Variants in TMEM132C observed in about 807,000 individuals in gnomAD.
TMEM132C encodes protein phosphatase 1, regulatory subunit 152.
Under a neutral mutation model 61.4 loss-of-function variants are expected in TMEM132C, and 29 were observed. The ratio of observed to expected loss-of-function variants is 0.47; its 90% CI spans 0.35 to 0.64. TMEM132C has a LOEUF of 0.64. Ranked by LOEUF, TMEM132C falls within the 30% of genes least tolerant of loss-of-function variation. The pLI is 0.00. For synonymous variants in TMEM132C, 656 were observed against 633.1 expected (o/e 1.04, Z -0.54); for missense variants, 1,408 against 1,476.9 (o/e 0.95, Z 0.76).
chr12:128,350,930 A>G (rs1405837105), intron 1 of TMEM132C, among the ~76,000 whole-genome samples: 1 of 152,168 alleles, frequency 6.6e-6, no homozygotes, highest in Non-Finnish European at 1.5e-5. Flanking sequence ...TAATGGCTGG[A>G]ATATGAATAT....
chr12:128,326,385 A>G lies in TMEM132C; in HGVS notation c.85+58898A>G, dbSNP rs2135940314. Among the ~76,000 whole-genome samples, 1 of 152,282 alleles carries G rather than the reference A, an allele frequency of 6.6e-6. No individual in the cohort carries two copies. The highest frequency in any genetic ancestry group is 3.4e-3 in the Middle Eastern group (1 of 292). Reference sequence around the variant, plus strand: ...TTTCGAGCTGCCAGATCTGCTGGAGAAAATTATAAAGATGAATACTTCTGA... The same window carrying G: ...TTTCGAGCTGCCAGATCTGCTGGAGGAAATTATAAAGATGAATACTTCTGA... On this transcript the variant is annotated intron_variant, in intron 1 of 8. Transcript: ENST00000435159. This position sits in a 1 kb window ranked among gnomAD's most constrained non-coding sequence, Gnocchi z 5.6.
At chr12:128,643,114 G>A (rs770155307) in intron 4 of TMEM132C, among the ~76,000 whole-genome samples, 5 of 152,086 alleles carry the variant, frequency 3.3e-5, no homozygotes, top group Non-Finnish European at 7.4e-5. Context: ...TCACTTCAAA[G>A]AAAGAGACAA....
intron 1 of TMEM132C, among the ~76,000 whole-genome samples, chr12:128,392,067 TCTCTCTCTC>T (rs1874784696): frequency 2.8e-5 from 1 of 35,348 alleles, no homozygotes; most frequent in African/African-American, 9.9e-5. Context: ...TCTCTCTTTC[TCTCTCTCTC>T]TCTCTCTCTC....
At chr12:128,695,066 G>C (rs1322095238) in intron 6 of TMEM132C, among the ~76,000 whole-genome samples, 2 of 152,224 alleles carry the variant, frequency 1.3e-5, no homozygotes, top group African/African-American at 4.8e-5. Context: ...CACATCTCAA[G>C]TGTGTAAGAC....
At chr12:128,291,297 C>A (rs1470867888) in intron 1 of TMEM132C, among the ~76,000 whole-genome samples, 2 of 152,148 alleles carry the variant, frequency 1.3e-5, no homozygotes, top group African/African-American at 2.4e-5. Flanking sequence ...GGTGTAGGTA[C>A]CGTTTTCACC....
At chr12:128,651,712 G>A (rs1417954270) in intron 4 of TMEM132C, among the ~76,000 whole-genome samples, 1 of 152,154 alleles carries the variant, frequency 6.6e-6, no homozygotes, top group African/African-American at 2.4e-5. Flanking sequence ...CAGGGAATGG[G>A]AATGGGGGGT....
At chr12:128,473,260 A>G (rs1871016605) in intron 2 of TMEM132C, among the ~76,000 whole-genome samples, 3 of 145,328 alleles carry the variant, frequency 2.1e-5, no homozygotes, top group South Asian at 2.2e-4. Context: ...CTTCATCCTC[A>G]CTCCAACCCC....
chr12:128,555,748 T>C (rs1273024200), intron 3 of TMEM132C, among the ~76,000 whole-genome samples: 1 of 151,876 alleles, frequency 6.6e-6, no homozygotes, highest in Non-Finnish European at 1.5e-5. Context: ...AAGATCTCAT[T>C]CTGTCACTTA....
intron 2 of TMEM132C, among the ~76,000 whole-genome samples, chr12:128,458,892 C>T (rs547851625): frequency 5.3e-5 from 8 of 152,338 alleles, no homozygotes; most frequent in East Asian, 3.9e-4. Context: ...GAATTAGACA[C>T]CTGTCTGCAA....
chr12:128,329,963 C>G (rs1225967446), intron 1 of TMEM132C, among the ~76,000 whole-genome samples: 2 of 151,930 alleles, frequency 1.3e-5, no homozygotes, highest in African/African-American at 4.9e-5. Context: ...TGCCTGTGTC[C>G]ATGTGTACAT....
chr12:128,652,335 G>T (rs1249818186), intron 4 of TMEM132C, among the ~76,000 whole-genome samples: 1 of 152,334 alleles, frequency 6.6e-6, no homozygotes, highest in African/African-American at 2.4e-5. Flanking sequence ...CCTCCGGGAT[G>T]GGAAGTGGGA....
chr12:128,271,303 AAT>A lies in TMEM132C; in HGVS notation c.85+3818_85+3819del, dbSNP rs1870513233. On this transcript the variant is annotated intron_variant, in intron 1 of 8. Coordinates refer to ENST00000435159, the MANE Select transcript of TMEM132C (RefSeq NM_001136103.3). ...TAATAATAATAATAATAATAATAAT[AAT>A]AAAATGAAATGAAGAGAAATGGGAT... 2.2e-5 allele frequency among the ~76,000 whole-genome samples: 3 copies of A among 133,866 alleles called. No individual in the cohort carries two copies. The South Asian group carries it at 7.1e-4, about 32-fold the overall frequency. 87.8% of individuals were successfully genotyped at this position (133,866 alleles called of 152,430 possible). A position where few individuals can be genotyped will look rare whatever the true frequency, so the allele number is the denominator to read the frequency against.
At chr12:128,546,496 G>A (rs1565969991) in intron 3 of TMEM132C, among the ~76,000 whole-genome samples, 2 of 152,034 alleles carry the variant, frequency 1.3e-5, no homozygotes, top group Admixed American at 6.5e-5. Context: ...GAGCTTCCAG[G>A]CACCCCACTT....
intron 4 of TMEM132C, among the ~76,000 whole-genome samples, chr12:128,656,943 C>A (rs1353735413): frequency 6.6e-6 from 1 of 152,180 alleles, no homozygotes; most frequent in Non-Finnish European, 1.5e-5. Flanking sequence ...TTGGGGGCTA[C>A]CTCTGGGATT....
intron 2 of TMEM132C, among the ~76,000 whole-genome samples, chr12:128,460,760 GTC>G: frequency 2.0e-5 from 3 of 152,160 alleles, no homozygotes; most frequent in African/African-American, 4.8e-5. Flanking sequence ...GCACCCTCCT[GTC>G]CTAACCCGCA....
intron 1 of TMEM132C, among the ~76,000 whole-genome samples, chr12:128,316,159 AGGCAC>A (rs1251576551): frequency 6.6e-6 from 1 of 152,052 alleles, no homozygotes; most frequent in African/African-American, 2.4e-5. Context: ...TAGCGTAAGA[AGGCAC>A]AGTCACCTGA....
At chr12:128,416,580 C>T (rs1012040516) in intron 2 of TMEM132C, among the ~76,000 whole-genome samples, 12 of 152,172 alleles carry the variant, frequency 7.9e-5, no homozygotes, top group African/African-American at 2.4e-4. Flanking sequence ...AAAATATTTG[C>T]AAGCTAGAAT....
chr12:128,459,762 G>A (rs1398708873), intron 2 of TMEM132C, among the ~76,000 whole-genome samples: 2 of 151,582 alleles, frequency 1.3e-5, no homozygotes, highest in Non-Finnish European at 2.9e-5. Flanking sequence ...GTGAGTGCCT[G>A]TAATCCCAGC....
At chr12:128,536,284 C>G (rs538127451) in intron 2 of TMEM132C, among the ~76,000 whole-genome samples, 1 of 152,006 alleles carries the variant, frequency 6.6e-6, no homozygotes, top group African/African-American at 2.4e-5. Context: ...AGCAAACTAT[C>G]GCAAGGACAG....
Sources: gnomAD v4.1 joint callset for allele counts (sites outside exome capture counted in the v4.1 genomes callset) on GRCh38, gnomAD v4.1.1 for gene constraint, Gnocchi (gnomAD v3.1) non-coding constraint, MANE v1.5 for transcripts, NCBI Gene and HGNC (gene_info 2026-07-23, HGNC 2026-07-21) for gene names.